Variants in PTPRA observed in about 807,000 individuals in gnomAD.
PTPRA encodes receptor-type tyrosine-protein phosphatase alpha.
A neutral mutation model predicts 104.8 loss-of-function variants in PTPRA; 25 were observed. The ratio of observed to expected loss-of-function variants is 0.24; its 90% CI spans 0.17 to 0.33. The LOEUF is 0.33. Among genes scored for constraint, PTPRA ranks in the 10% least tolerant of loss-of-function variants. PTPRA has a pLI of 1.00. For missense variants in PTPRA, 765 were observed against 1,015.3 expected, an observed-to-expected ratio of 0.75 and a Z score of 3.35; for synonymous variants, 323 against 368.9, an observed-to-expected ratio of 0.88 and a Z score of 1.43.
At chr20:3,031,681 C>T (rs1392272798) in intron 20 of PTPRA, among the ~76,000 whole-genome samples, 3 of 152,160 alleles carry the variant, frequency 2.0e-5, no homozygotes, top group African/African-American at 4.8e-5. Context: ...TTATTCCAGT[C>T]ATTTTTGTCT....
At chr20:2,866,391 G>A in the PTPRA span, 1 of 1,614,078 alleles carries the variant, frequency 6.2e-7, no homozygotes, top group Non-Finnish European at 8.5e-7. Flanking sequence ...GTGCCCTTGA[G>A]CAGCCCCAAC....
intron 5 of PTPRA, among the ~76,000 whole-genome samples, chr20:2,969,136 T>C (rs991412930): frequency 6.6e-6 from 1 of 151,464 alleles, no homozygotes; most frequent in African/African-American, 2.4e-5. Flanking sequence ...TGCTTGAACC[T>C]GGGAGGTGGA....
chr20:2,994,621 T>G (rs1049592502), intron 9 of PTPRA, among the ~76,000 whole-genome samples: 1 of 152,170 alleles, frequency 6.6e-6, no homozygotes, highest in Non-Finnish European at 1.5e-5. Context: ...ACTGAAGGTG[T>G]CAGTAGAAGG....
At chr20:2,864,234 A>G in the PTPRA span, 1 of 1,614,170 alleles carries the variant, frequency 6.2e-7, no homozygotes, top group Non-Finnish European at 8.5e-7. The surrounding 1 kb of genome is among the most constrained non-coding windows in gnomAD (Gnocchi z 5.2). Flanking sequence ...CTAAAGATGA[A>G]GAGGAGCAAA....
chr20:2,896,426 C>T (rs928259176), intron 1 of PTPRA, among the ~76,000 whole-genome samples: 3 of 152,076 alleles, frequency 2.0e-5, no homozygotes, highest in African/African-American at 4.8e-5. Context: ...GCAAAGAATA[C>T]GGCCTACATG....
chr20:2,974,128 G>A (rs1329534258), intron 5 of PTPRA, among the ~76,000 whole-genome samples: 1 of 149,962 alleles, frequency 6.7e-6, no homozygotes, highest in Admixed American at 6.6e-5. Context: ...TTTTTTTTTT[G>A]TATTTTTATT....
chr20:2,913,343 A>T (rs1006344889), intron 1 of PTPRA, among the ~76,000 whole-genome samples: 1 of 152,196 alleles, frequency 6.6e-6, no homozygotes, highest in African/African-American at 2.4e-5. Context: ...GTGTCACTGC[A>T]TTCCAGCCTG....
At chr20:2,867,902 G>C in the PTPRA span, among the ~76,000 whole-genome samples, 1 of 152,222 alleles carries the variant, frequency 6.6e-6, no homozygotes. Context: ...GGAGATATAA[G>C]TCAAATGGTA....
intron 11 of PTPRA, among the ~76,000 whole-genome samples, chr20:3,007,953 T>C (rs2063955703): frequency 6.6e-6 from 1 of 152,112 alleles, no homozygotes; most frequent in Non-Finnish European, 1.5e-5. Flanking sequence ...TATAGAACAG[T>C]CTGTATGAGA....
At chr20:2,872,008 T>A (rs1216303702), upstream of PTPRA, among the ~76,000 whole-genome samples, 1 of 152,260 alleles carries the variant, frequency 6.6e-6, no homozygotes, top group African/African-American at 2.4e-5. This position sits in a 1 kb window ranked among gnomAD's most constrained non-coding sequence, Gnocchi z 7.9. Flanking sequence ...TGGCTCTGGT[T>A]AGCATGGACT....
chr20:2,876,179 C>T (rs1487210381), intron 1 of PTPRA, among the ~76,000 whole-genome samples: 1 of 152,236 alleles, frequency 6.6e-6, no homozygotes, highest in African/African-American at 2.4e-5. Flanking sequence ...GGTAGAGTCA[C>T]AGCCTCTTAG....
intron 1 of PTPRA, among the ~76,000 whole-genome samples, chr20:2,921,808 A>G (rs1484897003): frequency 6.6e-6 from 1 of 152,220 alleles, no homozygotes; most frequent in Non-Finnish European, 1.5e-5. Context: ...CTGCCCACCC[A>G]GATTGCCTGA....
At chr20:2,888,599 C>T (rs569284469) in intron 1 of PTPRA, among the ~76,000 whole-genome samples, 7 of 151,790 alleles carry the variant, frequency 4.6e-5, no homozygotes, top group African/African-American at 1.7e-4. Context: ...TAGTGTTTGT[C>T]TCAAAATTTT....
intron 20 of PTPRA, among the ~76,000 whole-genome samples, chr20:3,034,203 G>A (rs952277934): frequency 2.6e-5 from 4 of 152,008 alleles, no homozygotes; most frequent in Non-Finnish European, 4.4e-5. Flanking sequence ...ACTGGGAGGC[G>A]GAGGCTGCAG....
chr20:2,975,116 G>A (rs2062375377), intron 5 of PTPRA, 99 bp from the exon 6 acceptor site: 2 of 1,075,618 alleles, frequency 1.9e-6, no homozygotes, highest in South Asian at 1.6e-5. Context: ...ATGGAGGAAA[G>A]CATTCCTAAT....
At chr20:2,934,668 C>A (rs2060625100) in intron 2 of PTPRA, among the ~76,000 whole-genome samples, 1 of 147,758 alleles carries the variant, frequency 6.8e-6, no homozygotes, top group South Asian at 2.1e-4. Context: ...TCAATTAGAA[C>A]CTTTTTTTTT....
At chr20:2,913,450 G>A (rs1410643133) in intron 1 of PTPRA, among the ~76,000 whole-genome samples, 4 of 152,094 alleles carry the variant, frequency 2.6e-5, no homozygotes, top group Non-Finnish European at 4.4e-5. Context: ...GGCCCCATTC[G>A]AGTTATTCTA....
chr20:2,919,164 GC>G (rs1189164975), intron 1 of PTPRA, among the ~76,000 whole-genome samples: 1 of 151,974 alleles, frequency 6.6e-6, no homozygotes, highest in African/African-American at 2.4e-5. Context: ...AAATTTCCAA[GC>G]AGAAAAAGTA....
chr20:2,944,039 CTT>C (rs398061270), intron 2 of PTPRA, among the ~76,000 whole-genome samples: 22 of 127,556 alleles, frequency 1.7e-4, no homozygotes, highest in Admixed American at 2.4e-4. Flanking sequence ...CTCTACTGGT[CTT>C]TTTTTTTTTT....
Sources: allele counts gnomAD v4.1 joint callset (sites outside exome capture counted in the v4.1 genomes callset), GRCh38; gene constraint gnomAD v4.1.1; non-coding constraint Gnocchi (gnomAD v3.1); transcripts MANE v1.5; gene names NCBI Gene and HGNC (gene_info 2026-07-23, HGNC 2026-07-21).